NMNAT2: variants seen among roughly 807,000 people sequenced by gnomAD.
NMNAT2 encodes the protein nicotinamide nucleotide adenylyltransferase 2.
Under a neutral mutation model 41.6 loss-of-function variants are expected in NMNAT2, and 11 were observed. That is an observed-to-expected ratio of 0.26 (90% CI 0.17 to 0.44). The LOEUF (loss-of-function observed/expected upper bound fraction) is 0.44. Ranked by LOEUF, NMNAT2 falls within the 20% of genes least tolerant of loss-of-function variation. The pLI is 1.00. For missense variants in NMNAT2, 288 were observed against 407.7 expected (o/e 0.71, Z 2.53); for synonymous variants, 148 against 151.2 (o/e 0.98, Z 0.16).
chr1:183,260,029 G>T (rs1275507073), intron 10 of NMNAT2, among the ~76,000 whole-genome samples: 2 of 152,192 alleles, frequency 1.3e-5, no homozygotes, highest in African/African-American at 4.8e-5. Context: ...GTAGAAACTG[G>T]TAACTGGCCC....
intron 1 of NMNAT2, among the ~76,000 whole-genome samples, chr1:183,370,971 T>A (rs1005302772): frequency 6.6e-6 from 1 of 152,100 alleles, no homozygotes; most frequent in African/African-American, 2.4e-5. Flanking sequence ...AGTGAGTAAA[T>A]GCATGGTGCC....
chr1:183,413,896 C>G (rs1252565678), intron 1 of NMNAT2, among the ~76,000 whole-genome samples: 1 of 152,064 alleles, frequency 6.6e-6, no homozygotes, highest in Non-Finnish European at 1.5e-5. Context: ...CATGAGCCAC[C>G]GCGCCCGGCC....
intron 1 of NMNAT2, among the ~76,000 whole-genome samples, chr1:183,409,994 C>A (rs2485934): frequency 0.034 from 5,244 of 152,118 alleles, 221 homozygotes; most frequent in African/African-American, 0.11. Context: ...ATACAATGTA[C>A]AATGGTTCCA....
intron 2 of NMNAT2, 27 bp from the exon 3 acceptor site, chr1:183,292,884 G>A: frequency 1.2e-6 from 2 of 1,610,928 alleles, no homozygotes; most frequent in Non-Finnish European, 1.7e-6. Flanking sequence ...CAATCATTGG[G>A]AGACTCCCTC....
chr1:183,302,558 C>G (rs1379589928), intron 1 of NMNAT2, among the ~76,000 whole-genome samples: 7 of 152,204 alleles, frequency 4.6e-5, no homozygotes, highest in African/African-American at 1.7e-4. Flanking sequence ...TAGCGAATAA[C>G]TGGCCCTTGA....
intron 1 of NMNAT2, among the ~76,000 whole-genome samples, chr1:183,328,002 C>T (rs909592665): frequency 2.0e-5 from 3 of 152,148 alleles, no homozygotes; most frequent in African/African-American, 4.8e-5. Context: ...GTCGGTGGCT[C>T]ATCAACGTCA....
Position 183,370,223 on chromosome 1 carries a change from TACACACACAC to T in NMNAT2, c.85+47950_85+47959del, listed in dbSNP as rs57569629. 2.9e-3 allele frequency among the ~76,000 whole-genome samples: 327 copies of T among 112,808 alleles called. 1 individual carries two copies. Among genetic ancestry groups the T allele is most frequent in the East Asian group, 0.015 (57 of 3,704 alleles). The allele number at this position is 112,808 out of a possible 152,430, so 74.0% of individuals were successfully genotyped here. The stretch of plus-strand genomic sequence containing the variant: ...ACTTCCTACCACTACTATCAACACA[TACACACACAC>T]ACACACACACACACACACACACACA... On this transcript the variant is annotated intron_variant, in intron 1 of 10. Transcript: ENST00000287713.
chr1:183,392,178 C>A (rs915063528), intron 1 of NMNAT2, among the ~76,000 whole-genome samples: 2 of 152,190 alleles, frequency 1.3e-5, no homozygotes, highest in African/African-American at 4.8e-5. Flanking sequence ...CAAGACCGAG[C>A]TCCTGACATT....
intron 1 of NMNAT2, among the ~76,000 whole-genome samples, chr1:183,346,339 C>T (rs934863812): frequency 6.6e-6 from 1 of 152,164 alleles, no homozygotes; most frequent in Non-Finnish European, 1.5e-5. Context: ...CTTCGATTTC[C>T]CAGCCATAAC....
rs759856572 is a variant in NMNAT2, at chr1:183,277,512, C to CAAA, written c.651+1038_651+1040dup. ...CCTGGGTGACAGAGTGACTCCGTCTCAAAAAAAAAAAAAAAAAAAAAAAAG... is the reference window on the plus strand; with the variant it reads ...CCTGGGTGACAGAGTGACTCCGTCTCAAAAAAAAAAAAAAAAAAAAAAAAAAAG... On this transcript the variant is annotated intron_variant, in intron 8 of 10. Transcript: ENST00000287713. Among the ~76,000 whole-genome samples, 84 of 47,672 alleles carry CAAA rather than the reference C, an allele frequency of 1.8e-3. 2 individuals are homozygous for CAAA. The highest frequency in any genetic ancestry group is 5.0e-3 in the African/African-American group (77 of 15,508). 31.3% of individuals were successfully genotyped at this position (47,672 alleles called of 152,430 possible). A position where few individuals can be genotyped will look rare whatever the true frequency, so the allele number is the denominator to read the frequency against.
intron 1 of NMNAT2, among the ~76,000 whole-genome samples, chr1:183,368,163 G>A (rs1663454978): frequency 6.6e-6 from 1 of 152,138 alleles, no homozygotes; most frequent in African/African-American, 2.4e-5. Context: ...CAGTGGATTG[G>A]AAACTGAAAA....
intron 1 of NMNAT2, among the ~76,000 whole-genome samples, chr1:183,311,563 C>T (rs1662119637): frequency 6.6e-6 from 1 of 152,072 alleles, no homozygotes; most frequent in Admixed American, 6.6e-5. Flanking sequence ...ACAGGACCTG[C>T]CTACCACTTC....
intron 1 of NMNAT2, among the ~76,000 whole-genome samples, chr1:183,346,395 T>G (rs1662929897): frequency 6.6e-6 from 1 of 152,184 alleles, no homozygotes; most frequent in Non-Finnish European, 1.5e-5. Flanking sequence ...GTATCTCTGC[T>G]CTTACTGCCC....
chr1:183,256,750 T>A (rs1660524726), intron 10 of NMNAT2, among the ~76,000 whole-genome samples: 1 of 152,174 alleles, frequency 6.6e-6, no homozygotes, highest in South Asian at 2.1e-4. Flanking sequence ...AATATTGGCC[T>A]ACAGTTTTCT....
At chr1:183,272,201 C>G (rs1661003325) in intron 8 of NMNAT2, among the ~76,000 whole-genome samples, 1 of 152,192 alleles carries the variant, frequency 6.6e-6, no homozygotes, top group Non-Finnish European at 1.5e-5. Context: ...GACCCTGTAG[C>G]CTCTGGCCTT....
rs1365407740 is a variant in NMNAT2, at chr1:183,249,680, GGC to G, written c.*2959_*2960del. On this transcript the variant is annotated 3_prime_UTR_variant, in exon 11 of 11. Transcript: ENST00000287713. ...CCTTCCCCTAGCAAATGAAGAGTAGGGCGTGTGTGTGTGTGTGTGTGTGTGTG... is the reference window on the plus strand; with the variant it reads ...CCTTCCCCTAGCAAATGAAGAGTAGGGTGTGTGTGTGTGTGTGTGTGTGTG... The G allele has an allele frequency of 3.6e-4, 42 of 116,316 alleles. No individual in the cohort carries two copies. The highest frequency in any genetic ancestry group is 3.0e-3 in the Admixed American group (33 of 10,820). 7.2% of individuals were successfully genotyped at this position (116,316 alleles called of 1,614,324 possible).
At chr1:183,258,562 C>A (rs945296995) in intron 10 of NMNAT2, among the ~76,000 whole-genome samples, 8 of 152,140 alleles carry the variant, frequency 5.3e-5, no homozygotes, top group African/African-American at 1.7e-4. Flanking sequence ...AGCCCTTTCC[C>A]AAAGCAGACC....
intron 10 of NMNAT2, among the ~76,000 whole-genome samples, chr1:183,257,719 A>T (rs1200464269): frequency 6.6e-6 from 1 of 151,740 alleles, no homozygotes; most frequent in Non-Finnish European, 1.5e-5. Flanking sequence ...TATAATGTCT[A>T]CACTTTCATT....
At chr1:183,316,404 C>G (rs1326916364) in intron 1 of NMNAT2, among the ~76,000 whole-genome samples, 21 of 152,160 alleles carry the variant, frequency 1.4e-4, no homozygotes, top group Non-Finnish European at 8.8e-5. Context: ...CCTGCAGGCC[C>G]TCCAGCTTGA....
Sources: gnomAD v4.1 joint callset for allele counts (sites outside exome capture counted in the v4.1 genomes callset) on GRCh38, gnomAD v4.1.1 for gene constraint, MANE v1.5 for transcripts, NCBI Gene and HGNC (gene_info 2026-07-23, HGNC 2026-07-21) for gene names.